Variants in NACC2 observed in about 807,000 individuals in gnomAD.
NACC2 encodes NACC family member 2, also known as nucleus accumbens-associated protein 2.
Under a neutral mutation model 25.1 loss-of-function variants are expected in NACC2, and 8 were observed. The observed-to-expected ratio is 0.32, with a 90% CI of 0.19 to 0.57. The LOEUF (loss-of-function observed/expected upper bound fraction) is 0.57. NACC2 is among the 20% of genes least tolerant of loss of function. NACC2 has a pLI of 0.89. For missense variants in NACC2, 644 were observed against 650.2 expected, an observed-to-expected ratio of 0.99 and a Z score of 0.10; for synonymous variants, 435 against 294.7, an observed-to-expected ratio of 1.48 and a Z score of -4.88.
chr9:136,081,184 C>T (rs1409378585), intron 1 of NACC2, among the ~76,000 whole-genome samples: 1 of 152,226 alleles, frequency 6.6e-6, no homozygotes, highest in African/African-American at 2.4e-5. Context: ...GGGGACTCTC[C>T]AGCCACCCAG....
Position 136,032,690 on chromosome 9 carries a change from A to G in NACC2, c.887-16261T>C, listed in dbSNP as rs530859158. ...GGCAGGCGGATCACTTGAGATCAGG[A>G]GTTCGAGACCAGCCCATCCAACATG... is the stretch of plus-strand genomic sequence containing the variant. On this transcript the variant is annotated intron_variant, in intron 2 of 5. Transcript: ENST00000277554. Among the ~76,000 whole-genome samples the G allele has an allele frequency of 2.0e-5, 3 of 152,322 alleles. No individual in the cohort carries two copies. The South Asian group carries it at 6.2e-4, about 32-fold the overall frequency.
At chr9:136,053,611 AG>A (rs59821755) in intron 1 of NACC2, among the ~76,000 whole-genome samples, 1 of 152,162 alleles carries the variant, frequency 6.6e-6, no homozygotes, top group Admixed American at 6.5e-5. Flanking sequence ...CAACCCGGGC[AG>A]GGGGGTACAA....
chr9:136,080,440 C>T (rs1264049470), intron 1 of NACC2, among the ~76,000 whole-genome samples: 3 of 152,170 alleles, frequency 2.0e-5, no homozygotes, highest in African/African-American at 7.2e-5. Context: ...GGCGTGGTGG[C>T]GCACGCCTGC....
At chr9:136,075,065 T>C (rs1367349763) in intron 1 of NACC2, among the ~76,000 whole-genome samples, 1 of 152,206 alleles carries the variant, frequency 6.6e-6, no homozygotes, top group African/African-American at 2.4e-5. Flanking sequence ...AGGCCGACGC[T>C]CTTGGTTCTG....
intron 1 of NACC2, among the ~76,000 whole-genome samples, chr9:136,082,422 G>C (rs1224940900): frequency 2.0e-5 from 3 of 152,184 alleles, no homozygotes; most frequent in Non-Finnish European, 2.9e-5. Flanking sequence ...TGAGAGGTCT[G>C]GGCAGGTGTG....
intron 2 of NACC2, among the ~76,000 whole-genome samples, chr9:136,025,396 C>T (rs1840373193): frequency 6.6e-6 from 1 of 152,082 alleles, no homozygotes; most frequent in Non-Finnish European, 1.5e-5. Context: ...AACTATTTCA[C>T]AAAGAGATGT....
At chr9:136,073,128 CTACA>C (rs140512407) in intron 1 of NACC2, among the ~76,000 whole-genome samples, 2,187 of 152,046 alleles carry the variant, frequency 0.014, 61 homozygotes, top group African/African-American at 0.05. Context: ...AATATCTAGG[CTACA>C]TAAAGAATTA....
chr9:136,077,419 A>G (rs999525299), intron 1 of NACC2, among the ~76,000 whole-genome samples: 1 of 152,244 alleles, frequency 6.6e-6, no homozygotes, highest in East Asian at 1.9e-4. Context: ...ACAGGGCACA[A>G]AGGACATTGT....
chr9:136,063,225 G>A (rs182396169), intron 1 of NACC2, among the ~76,000 whole-genome samples: 1 of 152,196 alleles, frequency 6.6e-6, no homozygotes, highest in African/African-American at 2.4e-5. Flanking sequence ...GGACCCCTGG[G>A]CTGGTCTCGG....
chr9:136,069,520 G>A (rs932489724), intron 1 of NACC2, among the ~76,000 whole-genome samples: 1 of 151,496 alleles, frequency 6.6e-6, no homozygotes, highest in Non-Finnish European at 1.5e-5. Context: ...CTGCATTCCA[G>A]CCTGGGTGAA....
chr9:136,055,774 G>A lies in NACC2; in HGVS notation c.-59-5194C>T, dbSNP rs926344679. ...AGGAGAGAGGCGGGGCACGGGAAAC[G>A]TTCTGCGGAGGGGAGAGTCCCTCTA... On this transcript the variant is annotated intron_variant, in intron 1 of 5. Transcript: ENST00000277554. The surrounding 1 kb of genome is among the most constrained non-coding windows in gnomAD (Gnocchi z 4.9). 1.3e-5 allele frequency among the ~76,000 whole-genome samples: 2 copies of A among 152,202 alleles called. No homozygotes were observed. The highest frequency in any genetic ancestry group is 2.9e-5 in the Non-Finnish European group (2 of 68,038).
Position 136,050,524 on chromosome 9 carries a change from C to A in NACC2, c.-3G>T. 1.3e-6 allele frequency: 1 copy of A among 760,614 alleles called. No homozygotes were observed. The highest frequency in any genetic ancestry group is 1.4e-5 in the South Asian group (1 of 74,046). 47.1% of individuals were successfully genotyped at this position (760,614 alleles called of 1,614,324 possible). A position where few individuals can be genotyped will look rare whatever the true frequency, so the allele number is the denominator to read the frequency against. On this transcript the variant is annotated 5_prime_UTR_variant, in exon 2 of 6. Transcript: ENST00000277554. ...TCGATGTGCAGCATCTGAGACATGG[C>A]GGGCGGGCAGCGGCGGGGCTGGGCT...
At chr9:136,076,219 C>G (rs1830261415) in intron 1 of NACC2, among the ~76,000 whole-genome samples, 1 of 152,188 alleles carries the variant, frequency 6.6e-6, no homozygotes, top group Non-Finnish European at 1.5e-5. Flanking sequence ...AAGAGAACCC[C>G]AAGGGGCAGC....
At chr9:136,062,687 G>A (rs1267353043) in intron 1 of NACC2, among the ~76,000 whole-genome samples, 2 of 152,202 alleles carry the variant, frequency 1.3e-5, no homozygotes, top group Non-Finnish European at 2.9e-5. Context: ...GGTCAGCGGG[G>A]GTGGACTGCT....
At position 136,049,975 on chromosome 9, in the gene NACC2, C is replaced by A; in HGVS notation, c.547G>T (p.Ala183Ser). Residue 183 changes from alanine (A) to serine (S), a missense_variant, in exon 2 of 6, where the codon GCC (alanine) becomes TCC (serine). Transcript: ENST00000277554. ...VKHEAMELPPAGPGLAPKRPL... is the reference protein window; with the variant it reads ...VKHEAMELPPSGPGLAPKRPL... ...CGCTTGGGGGCCAGGCCTGGGCCGG[C>A]CGGCGGCAGCTCCATGGCTTCATGC... 1.6e-6 allele frequency: 1 copy of A among 634,876 alleles called. No homozygotes were observed. The highest frequency in any genetic ancestry group is 2.6e-5 in the Admixed American group (1 of 37,780). 39.3% of individuals were successfully genotyped at this position (634,876 alleles called of 1,614,324 possible). A position where few individuals can be genotyped will look rare whatever the true frequency, so the allele number is the denominator to read the frequency against.
intron 2 of NACC2, among the ~76,000 whole-genome samples, chr9:136,042,843 TACAGACACAC>T (rs1840661195): frequency 1.4e-5 from 1 of 69,860 alleles, no homozygotes; most frequent in Admixed American, 1.4e-4. Context: ...CACAGACACA[TACAGACACAC>T]ACAGAGACAC....
chr9:136,053,738 G>C (rs1840883471), intron 1 of NACC2, among the ~76,000 whole-genome samples: 1 of 152,228 alleles, frequency 6.6e-6, no homozygotes, highest in Non-Finnish European at 1.5e-5. Flanking sequence ...TCTGTTGTGG[G>C]CAACTTCGCC....
intron 2 of NACC2, among the ~76,000 whole-genome samples, chr9:136,030,539 G>A (rs970524499): frequency 6.6e-6 from 1 of 152,028 alleles, no homozygotes; most frequent in African/African-American, 2.4e-5. Context: ...GAACCCAGGA[G>A]GTGGAGCTTG....
intron 2 of NACC2, among the ~76,000 whole-genome samples, chr9:136,033,084 G>A (rs868767722): frequency 1.3e-5 from 2 of 151,744 alleles, no homozygotes; most frequent in African/African-American, 2.4e-5. Flanking sequence ...GCTGAGGTAG[G>A]AGAATCACTT....
Sources: gnomAD v4.1 joint callset for allele counts (sites outside exome capture counted in the v4.1 genomes callset) on GRCh38, gnomAD v4.1.1 for gene constraint, Gnocchi (gnomAD v3.1) non-coding constraint, MANE v1.5 for transcripts, NCBI Gene and HGNC (gene_info 2026-07-23, HGNC 2026-07-21) for gene names.